Variants in ESR1 observed in about 807,000 individuals in gnomAD.
ESR1 encodes estrogen receptor.
Under a neutral mutation model 52.7 loss-of-function variants are expected in ESR1, and 12 were observed. That is an observed-to-expected ratio of 0.23 (90% CI 0.15 to 0.37). The LOEUF (loss-of-function observed/expected upper bound fraction) is 0.37. Ranked by LOEUF, ESR1 falls within the 10% of genes least tolerant of loss-of-function variation. The pLI is 1.00. For missense variants in ESR1, 584 were observed against 779.7 expected (o/e 0.75, Z 2.99); for synonymous variants, 305 against 316.8 (o/e 0.96, Z 0.39).
At chr6:152,014,793 C>T (rs1249175231) in intron 5 of ESR1, among the ~76,000 whole-genome samples, 1 of 152,148 alleles carries the variant, frequency 6.6e-6, no homozygotes, top group Admixed American at 6.6e-5. Flanking sequence ...CAGTCCATCT[C>T]CCATACTGCT....
intron 1 of ESR1, among the ~76,000 whole-genome samples, chr6:151,817,358 G>A (rs930585194): frequency 2.6e-5 from 4 of 152,146 alleles, no homozygotes; most frequent in Admixed American, 2.0e-4. Flanking sequence ...TTTAGATGGA[G>A]GATATTTCCA....
chr6:152,055,793 G>A (rs1420830207), intron 5 of ESR1, among the ~76,000 whole-genome samples: 1 of 152,204 alleles, frequency 6.6e-6, no homozygotes, highest in Non-Finnish European at 1.5e-5. Context: ...ATATTTTGCA[G>A]TGTTGTAAGA....
intron 4 of ESR1, among the ~76,000 whole-genome samples, chr6:152,001,389 C>G (rs1341293866): frequency 6.6e-6 from 1 of 151,996 alleles, no homozygotes; most frequent in Non-Finnish European, 1.5e-5. Context: ...CACTTTGTAA[C>G]TATGAGACTA....
intron 6 of ESR1, among the ~76,000 whole-genome samples, chr6:152,120,104 C>T (rs2813549): frequency 0.83 from 127,018 of 152,278 alleles, 53,544 homozygotes; most frequent in African/African-American, 0.95. Flanking sequence ...TCTTCAGTGA[C>T]GGGAGATGCC....
At position 151,691,806 on chromosome 6, in the gene ESR1, G is replaced by T. The variant is rs182725227; in HGVS notation, c.-202+1142G>T. ...GTTTGAGAACCATGGATGGTTCAGG[G>T]TCCATTTGTATACCATAAAATCCCT... On this transcript the variant is annotated intron_variant, in intron 1 of 2. Transcript: ENST00000404742. Among the ~76,000 whole-genome samples, 36 of 152,300 alleles carry T rather than the reference G, an allele frequency of 2.4e-4. No individual in the cohort carries two copies. The East Asian group carries it at 6.9e-3, about 29-fold the overall frequency.
chr6:152,059,030 A>G (rs1296828267), intron 5 of ESR1, among the ~76,000 whole-genome samples: 1 of 152,210 alleles, frequency 6.6e-6, no homozygotes. Flanking sequence ...TGAAAAAGAA[A>G]ACTAATGAGC....
At chr6:151,934,381 G>T (rs2034098832) in intron 3 of ESR1, among the ~76,000 whole-genome samples, 2 of 152,140 alleles carry the variant, frequency 1.3e-5, no homozygotes, top group Admixed American at 6.5e-5. Context: ...TGAGGATAGG[G>T]ATTTGGCTTT....
intron 5 of ESR1, among the ~76,000 whole-genome samples, chr6:152,018,590 T>C (rs906751622): frequency 1.3e-5 from 2 of 152,000 alleles, no homozygotes; most frequent in Non-Finnish European, 2.9e-5. Flanking sequence ...AGCTGGGGTG[T>C]TGGGGGTGGA....
At chr6:151,987,371 G>C (rs2040589870) in intron 4 of ESR1, among the ~76,000 whole-genome samples, 1 of 152,094 alleles carries the variant, frequency 6.6e-6, no homozygotes, top group Non-Finnish European at 1.5e-5. Context: ...TGATTCTCCT[G>C]CCTCAGCCTC....
chr6:151,918,794 A>T (rs916293066), intron 3 of ESR1, among the ~76,000 whole-genome samples: 2 of 152,242 alleles, frequency 1.3e-5, no homozygotes, highest in African/African-American at 2.4e-5. Context: ...AGACAATGAA[A>T]ATAAAGCTTG....
At chr6:151,740,239 C>A (rs1044884171) in intron 2 of ESR1, among the ~76,000 whole-genome samples, 5 of 151,386 alleles carry the variant, frequency 3.3e-5, no homozygotes, top group Admixed American at 1.3e-4. Context: ...TTGCCTCAGC[C>A]TCCTGAGTAG....
In ESR1 at chr6:152,002,223, G is replaced by GT. The variant is rs1554303868; in HGVS notation, c.1097-9433_1097-9432insT. 4.5e-5 allele frequency among the ~76,000 whole-genome samples: 5 copies of GT among 111,168 alleles called. No homozygotes were observed. The East Asian group carries it at 7.9e-4, about 18-fold the overall frequency. The allele number at this position is 111,168 out of a possible 152,430, so 72.9% of individuals were successfully genotyped here. ...GTGTGTGTGTGTGTGTGTGTGTGTG[G>GT]AATATCTCACTAAAACGACAGTGTT... On this transcript the variant is annotated intron_variant, in intron 4 of 7. Coordinates refer to ENST00000206249, the MANE Select transcript of ESR1 (RefSeq NM_000125.4).
At chr6:152,071,674 T>A (rs2048361600) in intron 6 of ESR1, among the ~76,000 whole-genome samples, 1 of 152,244 alleles carries the variant, frequency 6.6e-6, no homozygotes, top group African/African-American at 2.4e-5. Flanking sequence ...CTAATTAGGA[T>A]TATATACATG....
At chr6:151,955,880 C>T (rs2128573318) in intron 4 of ESR1, among the ~76,000 whole-genome samples, 1 of 152,118 alleles carries the variant, frequency 6.6e-6, no homozygotes, top group East Asian at 1.9e-4. Context: ...CTCCTCTCAC[C>T]CTCCCTCACG....
chr6:151,708,789 G>A (rs952939599), intron 2 of ESR1, among the ~76,000 whole-genome samples: 7 of 151,862 alleles, frequency 4.6e-5, no homozygotes, highest in African/African-American at 1.7e-4. Context: ...AAAGTTCTTT[G>A]ACTATTACAG....
upstream of ESR1, among the ~76,000 whole-genome samples, chr6:151,690,325 T>G (rs1174303257): frequency 6.6e-6 from 1 of 152,218 alleles, no homozygotes; most frequent in Non-Finnish European, 1.5e-5. Context: ...AACACATGAT[T>G]TACCTCTTCT....
intron 2 of ESR1, among the ~76,000 whole-genome samples, chr6:151,866,836 T>C (rs1790000016): frequency 6.6e-6 from 1 of 152,192 alleles, no homozygotes; most frequent in Non-Finnish European, 1.5e-5. Flanking sequence ...CCTTTGGGTA[T>C]ATACCCAGTA....
At chr6:151,932,818 T>C (rs1214489089) in intron 3 of ESR1, among the ~76,000 whole-genome samples, 12 of 148,314 alleles carry the variant, frequency 8.1e-5, no homozygotes, top group Admixed American at 6.0e-4. Flanking sequence ...TCTATATCTC[T>C]GTTTTGGTAC....
intron 3 of ESR1, among the ~76,000 whole-genome samples, chr6:151,883,692 A>G (rs1224919677): frequency 6.6e-6 from 1 of 152,238 alleles, no homozygotes; most frequent in East Asian, 1.9e-4. Context: ...CCAAAATACC[A>G]TAGACTGGGT....
Sources: allele counts gnomAD v4.1 joint callset (sites outside exome capture counted in the v4.1 genomes callset), GRCh38; gene constraint gnomAD v4.1.1; transcripts MANE v1.5; gene names NCBI Gene and HGNC (gene_info 2026-07-23, HGNC 2026-07-21).